Variants in MAN1A2 observed in about 807,000 individuals in gnomAD.
The protein encoded by MAN1A2 is mannosidase alpha class 1A member 2, also known as mannosyl-oligosaccharide 1,2-alpha-mannosidase IB.
MAN1A2 carries 26 observed loss-of-function variants against 75.7 expected under a neutral mutation model. The observed-to-expected ratio is 0.34, with a 90% CI of 0.25 to 0.48. The LOEUF is 0.48. Ranked by LOEUF, MAN1A2 falls within the 20% of genes least tolerant of loss-of-function variation. MAN1A2 has a pLI of 0.99. For missense variants in MAN1A2, 562 were observed against 775.5 expected (o/e 0.72, Z 3.27); for synonymous variants, 247 against 264.6 (o/e 0.93, Z 0.65).
At chr1:117,435,256 A>G (rs1336917865) in intron 5 of MAN1A2, among the ~76,000 whole-genome samples, 2 of 152,152 alleles carry the variant, frequency 1.3e-5, no homozygotes, top group African/African-American at 2.4e-5. Context: ...ACAATTTAGG[A>G]TAGGAAGAGA....
At chr1:117,425,844 A>G (rs1648351001) in intron 5 of MAN1A2, among the ~76,000 whole-genome samples, 1 of 152,200 alleles carries the variant, frequency 6.6e-6, no homozygotes, top group South Asian at 2.1e-4. Context: ...GTGATCAGTT[A>G]TCGTTTAGAA....
chr1:117,427,158 A>ATT (rs35505705), intron 5 of MAN1A2, among the ~76,000 whole-genome samples: 7 of 149,996 alleles, frequency 4.7e-5, no homozygotes, highest in African/African-American at 1.5e-4. Context: ...AAAATGATCC[A>ATT]TTTTTTTTTT....
At chr1:117,490,149 A>C (rs1442788114) in intron 8 of MAN1A2, among the ~76,000 whole-genome samples, 1 of 152,008 alleles carries the variant, frequency 6.6e-6, no homozygotes. Flanking sequence ...TTATATGCTT[A>C]GCTATATGCT....
intron 1 of MAN1A2, among the ~76,000 whole-genome samples, chr1:117,385,916 G>A (rs1289962): frequency 1 from 151,686 of 152,342 alleles, 75,520 homozygotes; most frequent in East Asian, 1. Flanking sequence ...TGGTTATGGC[G>A]TTGCTACCTC....
intron 1 of MAN1A2, among the ~76,000 whole-genome samples, chr1:117,371,006 T>A (rs1652944458): frequency 6.6e-6 from 1 of 152,188 alleles, no homozygotes; most frequent in East Asian, 1.9e-4. Context: ...AAACTCTATA[T>A]TGTTTCCTTT....
In MAN1A2 at chr1:117,526,725, A is replaced by G. The variant is rs1652029430; in HGVS notation, c.*3768A>G. 6.6e-6 allele frequency: 1 copy of G among 151,070 alleles called. No homozygotes were observed. Among genetic ancestry groups the G allele is most frequent in the South Asian group, 2.1e-4 (1 of 4,818 alleles). 9.4% of individuals were successfully genotyped at this position (151,070 alleles called of 1,614,324 possible). A position where few individuals can be genotyped will look rare whatever the true frequency, so the allele number is the denominator to read the frequency against. On this transcript the variant is annotated 3_prime_UTR_variant, in exon 13 of 13. Coordinates refer to ENST00000356554, the MANE Select transcript of MAN1A2 (RefSeq NM_006699.5). ...TATTAATAGTCCCATGCTGTTAAATATAAAGAAAAATATACTAAAATATTC... is the reference window on the plus strand; with the variant it reads ...TATTAATAGTCCCATGCTGTTAAATGTAAAGAAAAATATACTAAAATATTC...
intron 3 of MAN1A2, among the ~76,000 whole-genome samples, chr1:117,413,670 T>C (rs980811289): frequency 2.6e-5 from 4 of 151,976 alleles, no homozygotes; most frequent in Admixed American, 6.6e-5. Flanking sequence ...TTTGCAACTT[T>C]TATCTTTCTG....
chr1:117,395,743 A>C (rs1653881559), intron 1 of MAN1A2, among the ~76,000 whole-genome samples: 1 of 152,210 alleles, frequency 6.6e-6, no homozygotes, highest in South Asian at 2.1e-4. Flanking sequence ...GAAACCTTGG[A>C]AGGTACTCAG....
At chr1:117,373,143 A>G (rs1459134184) in intron 1 of MAN1A2, among the ~76,000 whole-genome samples, 10 of 150,370 alleles carry the variant, frequency 6.7e-5, no homozygotes, top group African/African-American at 2.2e-4. Context: ...TCATGTTATG[A>G]TTCGTGTTTT....
chr1:117,507,801 T>A (rs1232906049), intron 12 of MAN1A2, among the ~76,000 whole-genome samples: 1 of 151,674 alleles, frequency 6.6e-6, no homozygotes, highest in Non-Finnish European at 1.5e-5. Context: ...AGCTAAATGG[T>A]ACTACTGTCC....
Position 117,442,335 on chromosome 1 carries a change from T to C in MAN1A2, c.950+10T>C, listed in dbSNP as rs1375114665. On this transcript the variant is annotated intron_variant, in intron 6 of 12. Transcript: ENST00000356554. Reference sequence around the variant, plus strand: ...TGGTGAATTTGAAAAGGTAACTCTATGTGGGTATTCTTATTCTGGAAGAAT... The same window carrying C: ...TGGTGAATTTGAAAAGGTAACTCTACGTGGGTATTCTTATTCTGGAAGAAT... 2.6e-6 allele frequency: 4 copies of C among 1,537,506 alleles called. No homozygotes were observed. Among genetic ancestry groups the C allele is most frequent in the Non-Finnish European group, 3.6e-6 (4 of 1,110,448 alleles).
At chr1:117,472,285 C>A (rs2211129) in intron 8 of MAN1A2, among the ~76,000 whole-genome samples, 5,157 of 151,986 alleles carry the variant, frequency 0.034, 155 homozygotes, top group African/African-American at 0.073. Flanking sequence ...ATATAGTAAT[C>A]TCTCTTGCAA....
At chr1:117,509,625 G>A (rs1249785309) in intron 12 of MAN1A2, among the ~76,000 whole-genome samples, 4 of 151,934 alleles carry the variant, frequency 2.6e-5, no homozygotes, top group African/African-American at 9.7e-5. Context: ...AAGCATGCAT[G>A]CAATCAATGT....
intron 12 of MAN1A2, among the ~76,000 whole-genome samples, chr1:117,519,722 G>A (rs753679707): frequency 2.6e-5 from 4 of 151,932 alleles, no homozygotes; most frequent in African/African-American, 7.2e-5. Flanking sequence ...AGGAACAGAC[G>A]GATTCACAGC....
intron 1 of MAN1A2, among the ~76,000 whole-genome samples, chr1:117,395,056 C>A (rs567454964): frequency 6.6e-6 from 1 of 152,124 alleles, no homozygotes; most frequent in Non-Finnish European, 1.5e-5. Flanking sequence ...AGAGCCACAG[C>A]GGCTTAAGCA....
intron 5 of MAN1A2, among the ~76,000 whole-genome samples, chr1:117,428,313 C>G (rs1648447227): frequency 6.6e-6 from 1 of 151,946 alleles, no homozygotes; most frequent in Admixed American, 6.6e-5. Flanking sequence ...TGGGGTCTCT[C>G]CATGTTGCCC....
chr1:117,431,136 C>T (rs868738786), intron 5 of MAN1A2, among the ~76,000 whole-genome samples: 7 of 121,306 alleles, frequency 5.8e-5, no homozygotes, highest in East Asian at 2.8e-4. Flanking sequence ...TGCAGTGAGC[C>T]GAGATGGCAG....
At chr1:117,446,823 AT>A (rs1015763330) in intron 6 of MAN1A2, among the ~76,000 whole-genome samples, 4 of 151,310 alleles carry the variant, frequency 2.6e-5, no homozygotes, top group East Asian at 1.9e-4. Context: ...ATCTTTCCAG[AT>A]TTTTTTTTGG....
At position 117,528,781 on chromosome 1, in the gene MAN1A2, G is replaced by A. The variant is rs557730357; in HGVS notation, c.*5824G>A. 6.6e-6 allele frequency: 1 copy of A among 152,088 alleles called. No individual in the cohort carries two copies. The highest frequency in any genetic ancestry group is 1.9e-4 in the East Asian group (1 of 5,182). The allele number at this position is 152,088 out of a possible 1,614,324, so 9.4% of individuals were successfully genotyped here. On this transcript the variant is annotated 3_prime_UTR_variant, in exon 13 of 13. Transcript: ENST00000356554. ...GTACCCACTGGCTGCTCCTAAACTG[G>A]TTTCCAGTCATGTCCTCCAGTATGT...
Sources: gnomAD v4.1 joint callset for allele counts (sites outside exome capture counted in the v4.1 genomes callset) on GRCh38, gnomAD v4.1.1 for gene constraint, MANE v1.5 for transcripts, NCBI Gene and HGNC (gene_info 2026-07-23, HGNC 2026-07-21) for gene names.